The following NPAS3 variants were observed in gnomAD, a reference collection of about 807,000 sequenced individuals.
NPAS3 encodes the protein neuronal PAS domain-containing protein 3.
NPAS3 carries 14 observed loss-of-function variants against 73.1 expected under a neutral mutation model. The observed-to-expected ratio is 0.19, with a 90% CI of 0.13 to 0.30. The LOEUF (loss-of-function observed/expected upper bound fraction) is 0.30, where lower values mean the gene tolerates loss of function less well. NPAS3 is among the 10% of genes least tolerant of loss of function. NPAS3 has a pLI of 1.00. For missense variants in NPAS3, 1,096 were observed against 1,250.0 expected, an observed-to-expected ratio of 0.88 and a Z score of 1.86; for synonymous variants, 620 against 541.5, an observed-to-expected ratio of 1.14 and a Z score of -2.01.
intron 5 of NPAS3, among the ~76,000 whole-genome samples, chr14:33,649,508 C>A (rs1172012371): frequency 6.6e-6 from 1 of 152,208 alleles, no homozygotes; most frequent in South Asian, 2.1e-4. Context: ...TGGACACTTA[C>A]TTTTATTGTA....
At chr14:33,715,293 C>A (rs1188841277) in intron 6 of NPAS3, among the ~76,000 whole-genome samples, 1 of 152,096 alleles carries the variant, frequency 6.6e-6, no homozygotes. Flanking sequence ...ACCTTTGAGT[C>A]CTTGAAAGTA....
At chr14:32,962,071 T>A (rs989278646) in intron 1 of NPAS3, among the ~76,000 whole-genome samples, 6 of 152,180 alleles carry the variant, frequency 3.9e-5, no homozygotes, top group Non-Finnish European at 5.9e-5. Flanking sequence ...GGAACCTGAA[T>A]TAACAAATAT....
At chr14:33,162,801 A>T (rs896474968) in intron 2 of NPAS3, among the ~76,000 whole-genome samples, 1 of 152,204 alleles carries the variant, frequency 6.6e-6, no homozygotes, top group African/African-American at 2.4e-5. Flanking sequence ...TGTCAGAAAC[A>T]TTATTTTTCA....
intron 5 of NPAS3, among the ~76,000 whole-genome samples, chr14:33,568,606 A>G (rs1448952266): frequency 1.3e-5 from 2 of 152,208 alleles, no homozygotes; most frequent in Admixed American, 6.5e-5. Flanking sequence ...ACCTTCTGGG[A>G]AGGAGGTCTA....
At chr14:33,707,145 T>C (rs2060678102) in intron 6 of NPAS3, among the ~76,000 whole-genome samples, 1 of 152,144 alleles carries the variant, frequency 6.6e-6, no homozygotes, top group African/African-American at 2.4e-5. Context: ...TAAGCCAAGA[T>C]GATTAATAAG....
At chr14:33,252,834 CTTTATG>C (rs1288404901) in intron 3 of NPAS3, among the ~76,000 whole-genome samples, 3 of 151,676 alleles carry the variant, frequency 2.0e-5, no homozygotes, top group African/African-American at 7.3e-5. Flanking sequence ...TATTATCTAT[CTTTATG>C]TTTATATGTA....
At chr14:33,602,885 A>C (rs896507201) in intron 5 of NPAS3, among the ~76,000 whole-genome samples, 5 of 152,168 alleles carry the variant, frequency 3.3e-5, no homozygotes, top group Non-Finnish European at 7.3e-5. Flanking sequence ...CAAAAGGATC[A>C]AAATACCTCC....
At chr14:33,249,550 C>T (rs1318928042) in intron 3 of NPAS3, among the ~76,000 whole-genome samples, 2 of 152,030 alleles carry the variant, frequency 1.3e-5, no homozygotes, top group Non-Finnish European at 1.5e-5. Context: ...CCTCTATGCA[C>T]CTCTATTGTT....
intron 5 of NPAS3, among the ~76,000 whole-genome samples, chr14:33,582,986 T>TTTTTTTTTTG (rs2056732080): frequency 6.8e-6 from 1 of 147,514 alleles, no homozygotes; most frequent in Non-Finnish European, 1.5e-5. Flanking sequence ...TTTTTTTTTT[T>TTTTTTTTTTG]GGCTACTGGT....
rs527782012 is a variant in NPAS3 at position 33,021,086 on chromosome 14, A to G, written c.51-34819A>G. Among the ~76,000 whole-genome samples the G allele has an allele frequency of 2.4e-4, 36 of 152,012 alleles. No homozygotes were observed. The South Asian group carries it at 7.1e-3, about 30-fold the overall frequency. On this transcript the variant is annotated intron_variant, in intron 1 of 11. Coordinates refer to ENST00000356141, the Ensembl canonical transcript of NPAS3. ...GCCAGGTCCGACATTTTTATGTTCA[A>G]CTCTATTCTTTTGTACCCACTGCCT...
At chr14:33,175,008 G>C in intron 2 of NPAS3, among the ~76,000 whole-genome samples, 1 of 152,228 alleles carries the variant, frequency 6.6e-6, no homozygotes, top group Non-Finnish European at 1.5e-5. Context: ...CAAACATTGA[G>C]GAAAAGCATG....
At chr14:33,304,520 A>G (rs2042681639) in intron 3 of NPAS3, among the ~76,000 whole-genome samples, 1 of 151,742 alleles carries the variant, frequency 6.6e-6, no homozygotes, top group African/African-American at 2.4e-5. Flanking sequence ...TTATCTGTCC[A>G]TATATTTTTC....
chr14:33,680,456 T>C, intron 6 of NPAS3: 1 of 617,518 alleles, frequency 1.6e-6, no homozygotes, highest in South Asian at 2.0e-5. Flanking sequence ...TTAGTTTCTG[T>C]TCCTGTTCCT....
At chr14:33,763,419 G>A (rs1178272997) in intron 7 of NPAS3, among the ~76,000 whole-genome samples, 3 of 152,212 alleles carry the variant, frequency 2.0e-5, no homozygotes, top group African/African-American at 7.2e-5. Context: ...GCCTAGCAAA[G>A]AGTGTAAACT....
intron 1 of NPAS3, among the ~76,000 whole-genome samples, chr14:33,028,714 A>G (rs897386496): frequency 2.6e-5 from 4 of 152,198 alleles, no homozygotes; most frequent in Non-Finnish European, 5.9e-5. Context: ...CAAGAAATGA[A>G]GAAATACACT....
At chr14:32,998,257 G>C (rs1325629997) in intron 1 of NPAS3, among the ~76,000 whole-genome samples, 1 of 152,182 alleles carries the variant, frequency 6.6e-6, no homozygotes, top group African/African-American at 2.4e-5. Context: ...ACCACGCTAA[G>C]TGAAAGAAGC....
chr14:33,575,731 A>G (rs2056407400), intron 5 of NPAS3, among the ~76,000 whole-genome samples: 1 of 152,202 alleles, frequency 6.6e-6, no homozygotes, highest in Non-Finnish European at 1.5e-5. Context: ...TGTTCTTTTT[A>G]ACAGTAAATG....
At chr14:33,082,898 C>G (rs948312774) in intron 2 of NPAS3, among the ~76,000 whole-genome samples, 2 of 152,046 alleles carry the variant, frequency 1.3e-5, no homozygotes, top group African/African-American at 2.4e-5. Flanking sequence ...TGACTTTGGG[C>G]CAGGCACAAT....
chr14:33,779,521 G>GT (rs1408289047), intron 9 of NPAS3, among the ~76,000 whole-genome samples: 1 of 152,190 alleles, frequency 6.6e-6, no homozygotes, highest in African/African-American at 2.4e-5. Flanking sequence ...ACTTAGCCAT[G>GT]TTTTGGTCAA....
Sources: gnomAD v4.1 joint callset for allele counts (sites outside exome capture counted in the v4.1 genomes callset) on GRCh38, gnomAD v4.1.1 for gene constraint, MANE v1.5 for transcripts, NCBI Gene and HGNC (gene_info 2026-07-23, HGNC 2026-07-21) for gene names.